The following OVCH1 variants were observed in gnomAD, a reference collection of about 807,000 sequenced individuals.
OVCH1 encodes the protein ovochymase-1.
Under a neutral mutation model 138.4 loss-of-function variants are expected in OVCH1, and 139 were observed. The observed-to-expected ratio is 1.00, with a 90% CI of 0.87 to 1.16. The LOEUF (loss-of-function observed/expected upper bound fraction) is 1.16, where lower values mean the gene tolerates loss of function less well. Among genes scored for constraint, OVCH1 ranks in the 50% most tolerant of loss-of-function variants. The pLI is 0.00. For synonymous variants in OVCH1, 453 were observed against 467.8 expected, an observed-to-expected ratio of 0.97 and a Z score of 0.41; for missense variants, 1,367 against 1,357.9, an observed-to-expected ratio of 1.01 and a Z score of -0.11.
chr12:29,431,143 G>C (rs1941260633), intron 27 of OVCH1, among the ~76,000 whole-genome samples: 1 of 152,116 alleles, frequency 6.6e-6, no homozygotes, highest in South Asian at 2.1e-4. Context: ...CAAAGGAGGA[G>C]ATAAAAAGTT....
exon 4 of OVCH1, chr12:29,495,453 G>C (rs762932991): frequency 7.4e-6 from 12 of 1,612,052 alleles, no homozygotes; most frequent in South Asian, 3.3e-5. Flanking sequence ...TTCTTCAGCT[G>C]CTTCCTAAAA....
intron 4 of OVCH1, 124 bp from the exon 5 acceptor site, chr12:29,491,316 T>A: frequency 4.8e-6 from 4 of 832,972 alleles, no homozygotes; most frequent in Non-Finnish European, 5.5e-6. Context: ...GGTGACATAT[T>A]TTAAGTTTTG....
exon 1 of OVCH1, chr12:29,497,659 A>G (rs764051908): frequency 6.2e-7 from 1 of 1,613,976 alleles, no homozygotes; most frequent in Non-Finnish European, 8.5e-7. Context: ...AGCAACAGCA[A>G]CAAACCAGCA....
intron 18 of OVCH1, among the ~76,000 whole-genome samples, chr12:29,462,698 G>C (rs751661537): frequency 3.4e-4 from 51 of 151,922 alleles, no homozygotes; most frequent in Non-Finnish European, 6.2e-4. Flanking sequence ...CTTAATATTT[G>C]TAAAGAGTTT....
At chr12:29,425,597 T>G (rs1304507946), downstream of OVCH1, among the ~76,000 whole-genome samples, 4 of 152,178 alleles carry the variant, frequency 2.6e-5, no homozygotes, top group Non-Finnish European at 5.9e-5. Context: ...TTCTACTTAT[T>G]AGCGATGTCA....
At chr12:29,486,806 T>G (rs987923918) in intron 7 of OVCH1, 7 of 406,944 alleles carry the variant, frequency 1.7e-5, no homozygotes, top group African/African-American at 1.5e-4. Flanking sequence ...TAATGTCTGA[T>G]TTCATTGCTC....
intron 19 of OVCH1, among the ~76,000 whole-genome samples, chr12:29,459,698 T>C (rs1391039331): frequency 6.6e-6 from 1 of 152,198 alleles, no homozygotes; most frequent in Non-Finnish European, 1.5e-5. Flanking sequence ...TTTACCCTGA[T>C]GTGATTATTC....
intron 16 of OVCH1, among the ~76,000 whole-genome samples, 184 bp downstream of exon 16, chr12:29,471,618 T>A (rs1942510280): frequency 6.6e-6 from 1 of 152,160 alleles, no homozygotes; most frequent in Admixed American, 6.5e-5. Context: ...CAGTCAAGAT[T>A]TGATTAACTT....
intron 3 of OVCH1, among the ~76,000 whole-genome samples, chr12:29,419,879 A>G (rs903284490): frequency 3.3e-5 from 5 of 152,164 alleles, no homozygotes; most frequent in Non-Finnish European, 7.4e-5. Context: ...TGAACACATG[A>G]AAGTCTGAAA....
At chr12:29,497,494 C>T (rs1245579516) in intron 1 of OVCH1, 129 bp downstream of exon 1, 1 of 1,075,306 alleles carries the variant, frequency 9.3e-7, no homozygotes, top group Admixed American at 2.6e-5. Context: ...ACCCCCTCAC[C>T]CTTTCTTCCC....
intron 4 of OVCH1, among the ~76,000 whole-genome samples, chr12:29,494,154 A>T (rs141683001): frequency 1.3e-5 from 2 of 152,246 alleles, no homozygotes; most frequent in East Asian, 3.9e-4. Context: ...GTAGCATAAC[A>T]CACACAACTC....
intron 16 of OVCH1, among the ~76,000 whole-genome samples, chr12:29,465,490 T>G (rs10843423): frequency 0.25 from 37,187 of 151,382 alleles, 5,127 homozygotes; most frequent in Admixed American, 0.41. Context: ...CCACACACTT[T>G]TGAACCATCA....
At chr12:29,446,643 T>C (rs1014020453) in intron 22 of OVCH1, among the ~76,000 whole-genome samples, 3 of 152,076 alleles carry the variant, frequency 2.0e-5, no homozygotes, top group Non-Finnish European at 4.4e-5. Flanking sequence ...TGGTTTTCAA[T>C]AGGTAATAAT....
At chr12:29,423,567 A>G (rs78044535), downstream of OVCH1, among the ~76,000 whole-genome samples, 295 of 152,274 alleles carry the variant, frequency 1.9e-3, 10 homozygotes, top group East Asian at 0.049. Flanking sequence ...GGATGGGAGG[A>G]AAAAAGGGCA....
At chr12:29,420,993 T>C (rs1941096197) in intron 3 of OVCH1, among the ~76,000 whole-genome samples, 1 of 152,248 alleles carries the variant, frequency 6.6e-6, no homozygotes, top group South Asian at 2.1e-4. Flanking sequence ...TTGTGAGCCC[T>C]TGAACAAGCA....
intron 3 of OVCH1, among the ~76,000 whole-genome samples, chr12:29,419,939 T>C (rs1373496510): frequency 6.6e-6 from 1 of 152,152 alleles, no homozygotes; most frequent in East Asian, 1.9e-4. Flanking sequence ...AAGAGTAAAG[T>C]TGGGGGATGA....
rs755488410 is a variant in OVCH1 at position 29,486,239 on chromosome 12, A to G, written c.995+7T>C. 5.0e-6 allele frequency: 8 copies of G among 1,604,266 alleles called. No homozygotes were observed. Among genetic ancestry groups the G allele is most frequent in the Middle Eastern group, 1.7e-4 (1 of 6,060 alleles). On this transcript the variant is annotated splice_region_variant and intron_variant, in intron 8 of 27. Coordinates refer to ENST00000318184, the Ensembl canonical transcript of OVCH1. ...AAGTCAGCTTCCTTCTCTAATTAGA[A>G]CCACACATACCCTTTCCTCTCTGGC...
downstream of OVCH1, among the ~76,000 whole-genome samples, chr12:29,411,669 G>A (rs1031291584): frequency 2.4e-4 from 37 of 152,126 alleles, no homozygotes; most frequent in African/African-American, 8.4e-4. Context: ...TGGAAGTTTT[G>A]TCTCAGAGGA....
intron 8 of OVCH1, among the ~76,000 whole-genome samples, chr12:29,483,682 A>G (rs1943006232): frequency 6.6e-6 from 1 of 152,096 alleles, no homozygotes; most frequent in East Asian, 1.9e-4. Context: ...AAAAACCCCA[A>G]TCTTCCCCAC....
Sources: allele counts gnomAD v4.1 joint callset (sites outside exome capture counted in the v4.1 genomes callset), GRCh38; gene constraint gnomAD v4.1.1; transcripts MANE v1.5; gene names NCBI Gene and HGNC (gene_info 2026-07-23, HGNC 2026-07-21).